DNAJA2: variants seen among roughly 807,000 people sequenced by gnomAD.
DNAJA2 encodes the protein dnaJ homolog subfamily A member 2.
DNAJA2 carries 6 observed loss-of-function variants against 49.3 expected under a neutral mutation model. The ratio of observed to expected loss-of-function variants is 0.12; its 90% CI spans 0.07 to 0.24. The LOEUF is 0.24. Ranked by LOEUF, DNAJA2 falls within the 10% of genes least tolerant of loss-of-function variation. DNAJA2 has a pLI of 1.00. For synonymous variants in DNAJA2, 160 were observed against 172.7 expected (o/e 0.93, Z 0.58); for missense variants, 347 against 516.8 (o/e 0.67, Z 3.19).
intron 8 of DNAJA2, 73 bp downstream of exon 8, chr16:46,958,930 A>G (rs1413917453): frequency 4.0e-6 from 6 of 1,508,424 alleles, no homozygotes; most frequent in Non-Finnish European, 5.4e-6. Flanking sequence ...GGTGACAGAG[A>G]CCCTGTCTAA....
At position 46,956,337 on chromosome 16, in the gene DNAJA2, T is replaced by A. The variant is rs1961810067; in HGVS notation, c.*692A>T. On this transcript the variant is annotated 3_prime_UTR_variant, in exon 9 of 9. Transcript: ENST00000317089. ...GCTGTTTAAGAACCAGTACTAAGGA[T>A]ACATTCTTTTATGTTTTTCCTTCTA... 1 of 151,614 alleles carries A rather than the reference T, an allele frequency of 6.6e-6. No individual in the cohort carries two copies. Among genetic ancestry groups the A allele is most frequent in the African/African-American group, 2.4e-5 (1 of 41,230 alleles). 9.4% of individuals were successfully genotyped at this position (151,614 alleles called of 1,614,324 possible).
intron 4 of DNAJA2, 124 bp from the exon 5 acceptor site, chr16:46,967,770 C>G (rs1277561333): frequency 5.4e-6 from 7 of 1,307,024 alleles, no homozygotes; most frequent in Non-Finnish European, 2.1e-6. Flanking sequence ...AAATTGACTT[C>G]CAGAAGTATC....
At chr16:46,958,682 G>A (rs1470291910) in intron 8 of DNAJA2, 1 of 234,030 alleles carries the variant, frequency 4.3e-6, no homozygotes, top group African/African-American at 2.2e-5. Flanking sequence ...GGGTGGCTAA[G>A]GCATGAGAAT....
chr16:46,973,526 G>A lies in DNAJA2; in HGVS notation c.47C>T (p.Pro16Leu), dbSNP rs776717376. The A allele has an allele frequency of 6.2e-6, 10 of 1,602,436 alleles. No individual in the cohort carries two copies. In the Admixed American group the frequency reaches 1.3e-4, roughly 22 times the overall value. Residue 16 changes from proline (P) to leucine (L), a missense_variant, in exon 1 of 9, where the codon CCG (proline) becomes CTG (leucine). Pro to Leu is a moderately conservative substitution (Grantham distance 98). Transcript: ENST00000317089. ...CAGCTCGTTCTCGCTGGCGCCGGGC[G>A]GGACGCCCAGGATGTCGTACAGCTT... ...DTKLYDILGV[P>L]PGASENELKK...
At chr16:46,966,040 G>A (rs576035974) in intron 5 of DNAJA2, among the ~76,000 whole-genome samples, 4 of 151,712 alleles carry the variant, frequency 2.6e-5, no homozygotes, top group East Asian at 3.9e-4. Flanking sequence ...CCTGGGCAAC[G>A]TGGCAAAACC....
At position 46,971,880 on chromosome 16, in the gene DNAJA2, G is replaced by A; in HGVS notation, c.138+16C>T. ...AAGCTAAAACCCCCGGAATAAAAAA[G>A]GTGCAAATAACTTACTTTGTCTCCT... is the stretch of plus-strand genomic sequence containing the variant. On this transcript the variant is annotated intron_variant, in intron 2 of 8. Transcript: ENST00000317089. 6.2e-7 allele frequency: 1 copy of A among 1,602,296 alleles called. No homozygotes were observed. The highest frequency in any genetic ancestry group is 1.1e-5 in the South Asian group (1 of 90,386).
At chr16:46,963,432 G>A (rs1463029190) in intron 6 of DNAJA2, among the ~76,000 whole-genome samples, 1 of 151,736 alleles carries the variant, frequency 6.6e-6, no homozygotes, top group Admixed American at 6.6e-5. Context: ...ACTTTGGGAA[G>A]TTGAGACAGG....
intron 3 of DNAJA2, among the ~76,000 whole-genome samples, chr16:46,968,755 T>C (rs192567014): frequency 2.6e-5 from 4 of 152,278 alleles, no homozygotes; most frequent in Admixed American, 6.5e-5. Context: ...AGGGATAGAA[T>C]AGTTTTTCAT....
chr16:46,962,720 T>C (rs970878618), intron 6 of DNAJA2, among the ~76,000 whole-genome samples: 1 of 152,216 alleles, frequency 6.6e-6, no homozygotes, highest in African/African-American at 2.4e-5. Context: ...TTCTAAAAAC[T>C]ACTCTTACTT....
At chr16:46,967,986 A>C (rs1961996918) in intron 4 of DNAJA2, 98 bp downstream of exon 4, 1 of 1,205,682 alleles carries the variant, frequency 8.3e-7, no homozygotes, top group Non-Finnish European at 1.2e-6. Flanking sequence ...CCCAGCCGTA[A>C]GTTTTAACTT....
At chr16:46,970,447 C>CT (rs143818689) in intron 3 of DNAJA2, among the ~76,000 whole-genome samples, 1,906 of 152,302 alleles carry the variant, frequency 0.013, 23 homozygotes, top group Non-Finnish European at 0.02. Flanking sequence ...GATTCATATA[C>CT]TTCAAAGAAA....
rs1962088984 is a variant in DNAJA2, at chr16:46,973,508, T to A, written c.65A>T (p.Asn22Ile). The A allele has an allele frequency of 6.2e-7, 1 of 1,603,070 alleles. No homozygotes were observed. Among genetic ancestry groups the A allele is most frequent in the Non-Finnish European group, 8.5e-7 (1 of 1,177,536 alleles). ...ILGVPPGASENELKKAYRKLA... is the reference protein window; with the variant it reads ...ILGVPPGASEIELKKAYRKLA... ...GCTCCCAGATACCTTCTTCAGCTCG[T>A]TCTCGCTGGCGCCGGGCGGGACGCC... The change falls in exon 1 of 9, where the codon AAC becomes ATC. Residue 22 changes from asparagine (N) to isoleucine (I), a missense_variant. Coordinates refer to ENST00000317089, the MANE Select transcript of DNAJA2 (RefSeq NM_005880.4).
intron 1 of DNAJA2, chr16:46,972,994 C>T (rs1301328378): frequency 6.6e-6 from 1 of 152,120 alleles, no homozygotes; most frequent in Admixed American, 6.6e-5. Context: ...ACAACCCCAT[C>T]CGCCCGAGGC....
rs781464561 is a variant in DNAJA2 at position 46,956,981 on chromosome 16, C to G, written c.*48G>C. On this transcript the variant is annotated 3_prime_UTR_variant, in exon 9 of 9. Transcript: ENST00000317089. ...TCCAGCTGGATTGCTGAGAACAAAT[C>G]AGGCAAATGTGGAAAGAAAATCCAC... 8.1e-6 allele frequency: 13 copies of G among 1,604,016 alleles called. No homozygotes were observed. Among genetic ancestry groups the G allele is most frequent in the Non-Finnish European group, 4.3e-6 (5 of 1,171,026 alleles).
At chr16:46,973,474 G>T in intron 1 of DNAJA2, 21 bp downstream of exon 1, 5 of 1,587,384 alleles carry the variant, frequency 3.1e-6, no homozygotes, top group Non-Finnish European at 3.4e-6. Context: ...CCTCACACCC[G>T]CCCGGCCCGC....
At chr16:46,963,986 C>T (rs902970717) in intron 6 of DNAJA2, among the ~76,000 whole-genome samples, 1 of 152,104 alleles carries the variant, frequency 6.6e-6, no homozygotes, top group African/African-American at 2.4e-5. Flanking sequence ...AGAGGAGAAT[C>T]GCTTGAACCT....
Position 46,967,425 on chromosome 16 carries a change from C to T in DNAJA2, c.577+88G>A, listed in dbSNP as rs376348877. On this transcript the variant is annotated intron_variant, in intron 5 of 8. Coordinates refer to ENST00000317089, the MANE Select transcript of DNAJA2 (RefSeq NM_005880.4). ...TCTTTAATAAGATGTATACAAATACCCTTTGAAATAAAAAATTGTAAACCT... is the reference window on the plus strand; with the variant it reads ...TCTTTAATAAGATGTATACAAATACTCTTTGAAATAAAAAATTGTAAACCT... 1.1e-5 allele frequency: 17 copies of T among 1,538,798 alleles called. No homozygotes were observed. The African/African-American group carries it at 2.2e-4, about 20-fold the overall frequency.
At chr16:46,965,024 G>A (rs928299785) in intron 5 of DNAJA2, among the ~76,000 whole-genome samples, 1 of 152,052 alleles carries the variant, frequency 6.6e-6, no homozygotes, top group Non-Finnish European at 1.5e-5. Flanking sequence ...TCTGAGACCA[G>A]CCTAGCAACA....
In DNAJA2 at chr16:46,959,149, T is replaced by G. The variant is rs368354263; in HGVS notation, c.920-19A>C. On this transcript the variant is annotated intron_variant, in intron 7 of 8. Coordinates refer to ENST00000317089, the MANE Select transcript of DNAJA2 (RefSeq NM_005880.4). ...ACACACCCTATTATTTAAGAGGAAA[T>G]GATTAATAATTTTACCCAAAAGAGG... 9 of 1,583,328 alleles carry G rather than the reference T, an allele frequency of 5.7e-6. No homozygotes were observed. Among genetic ancestry groups the G allele is most frequent in the Admixed American group, 1.8e-5 (1 of 54,054 alleles).
Sources: allele counts gnomAD v4.1 joint callset (sites outside exome capture counted in the v4.1 genomes callset), GRCh38; gene constraint gnomAD v4.1.1; transcripts MANE v1.5; gene names NCBI Gene and HGNC (gene_info 2026-07-23, HGNC 2026-07-21).